The following RASEF variants were observed in gnomAD, a reference collection of about 807,000 sequenced individuals.
RASEF encodes ras and EF-hand domain-containing protein.
RASEF carries 68 observed loss-of-function variants against 90.1 expected under a neutral mutation model. The observed-to-expected ratio is 0.75, with a 90% CI of 0.62 to 0.92. RASEF has a LOEUF of 0.92. Ranked by LOEUF, RASEF falls within the 40% of genes least tolerant of loss-of-function variation. RASEF has a pLI of 0.00. For synonymous variants in RASEF, 331 were observed against 345.2 expected (o/e 0.96, Z 0.46); for missense variants, 949 against 937.2 (o/e 1.01, Z -0.16).
the RASEF span, among the ~76,000 whole-genome samples, chr9:83,180,271 G>A: frequency 1.3e-5 from 2 of 152,050 alleles, no homozygotes; most frequent in Non-Finnish European, 2.9e-5. Flanking sequence ...ATATTACCCT[G>A]CATCTTGGAA....
chr9:83,127,554 G>A, the RASEF span, among the ~76,000 whole-genome samples: 2 of 152,142 alleles, frequency 1.3e-5, no homozygotes, highest in South Asian at 2.1e-4. Flanking sequence ...TTCCAGTAAT[G>A]CAAATGAAAG....
chr9:83,006,709 A>C (rs1829140358), intron 7 of RASEF, among the ~76,000 whole-genome samples: 1 of 152,128 alleles, frequency 6.6e-6, no homozygotes, highest in African/African-American at 2.4e-5. Flanking sequence ...AAAAAACCTA[A>C]GAAAAATATA....
At chr9:83,212,682 T>A in the RASEF span, among the ~76,000 whole-genome samples, 3 of 152,308 alleles carry the variant, frequency 2.0e-5, no homozygotes, top group East Asian at 1.9e-4. Flanking sequence ...GCCTCCCAGC[T>A]CCTCTGCAGG....
the RASEF span, among the ~76,000 whole-genome samples, chr9:83,214,544 G>C: frequency 6.6e-6 from 1 of 152,010 alleles, no homozygotes; most frequent in Admixed American, 6.5e-5. Flanking sequence ...ATATGGTTTG[G>C]CTGGGTCCCC....
At chr9:83,074,989 A>C in the RASEF span, among the ~76,000 whole-genome samples, 2 of 152,224 alleles carry the variant, frequency 1.3e-5, no homozygotes, top group African/African-American at 4.8e-5. Context: ...ACTTACTTAA[A>C]ATTTTAAAAA....
At chr9:83,167,096 T>TA in the RASEF span, among the ~76,000 whole-genome samples, 1 of 150,118 alleles carries the variant, frequency 6.7e-6, no homozygotes, top group Non-Finnish European at 1.5e-5. Flanking sequence ...AAAGTAGCAC[T>TA]TTTTTTTTCA....
At chr9:83,211,054 A>G in the RASEF span, among the ~76,000 whole-genome samples, 1 of 152,240 alleles carries the variant, frequency 6.6e-6, no homozygotes, top group African/African-American at 2.4e-5. Context: ...TGACCATCTT[A>G]TCCTCATACT....
At chr9:83,009,154 AT>A (rs1380172129) in intron 6 of RASEF, among the ~76,000 whole-genome samples, 1 of 151,734 alleles carries the variant, frequency 6.6e-6, no homozygotes, top group Admixed American at 6.6e-5. Flanking sequence ...ATATCTATGC[AT>A]TTTATATTTA....
the RASEF span, among the ~76,000 whole-genome samples, chr9:83,110,603 A>G: frequency 1.3e-5 from 2 of 152,152 alleles, no homozygotes; most frequent in African/African-American, 4.8e-5. Context: ...GTGTGCACAA[A>G]GAGGAGAGTC....
chr9:83,177,390 A>G, the RASEF span, among the ~76,000 whole-genome samples: 1 of 152,188 alleles, frequency 6.6e-6, no homozygotes, highest in East Asian at 1.9e-4. Context: ...TTGCTATGCT[A>G]GCAACAAATT....
At chr9:83,011,755 C>G (rs1019675068) in intron 5 of RASEF, among the ~76,000 whole-genome samples, 1 of 151,732 alleles carries the variant, frequency 6.6e-6, no homozygotes, top group African/African-American at 2.4e-5. Flanking sequence ...AATAACTCTA[C>G]AAGAATGTCA....
rs538351517 is a variant in RASEF at position 83,003,478 on chromosome 9, A to C, written c.1202+1020T>G. On this transcript the variant is annotated intron_variant, in intron 9 of 16. Transcript: ENST00000376447. Reference sequence around the variant, plus strand: ...ATACCTTTCCCCCCAATTTGCTTAGAATCAGTTTTAAATATTAGTCAAAAA... The same window carrying C: ...ATACCTTTCCCCCCAATTTGCTTAGCATCAGTTTTAAATATTAGTCAAAAA... Among the ~76,000 whole-genome samples the C allele has an allele frequency of 1.4e-4, 22 of 152,324 alleles. No homozygotes were observed. In the South Asian group the frequency reaches 4.6e-3, roughly 32 times the overall value.
intron 1 of RASEF, among the ~76,000 whole-genome samples, chr9:83,041,895 C>T (rs1829850389): frequency 6.6e-6 from 1 of 152,154 alleles, no homozygotes; most frequent in Non-Finnish European, 1.5e-5. Flanking sequence ...AGCAAACAGC[C>T]TTCAGATCTG....
At chr9:83,079,894 G>A in the RASEF span, among the ~76,000 whole-genome samples, 12 of 151,682 alleles carry the variant, frequency 7.9e-5, no homozygotes, top group East Asian at 1.4e-3. Flanking sequence ...ACAGCCTTGC[G>A]ATATGATGAT....
intron 1 of RASEF, among the ~76,000 whole-genome samples, chr9:83,053,779 T>G (rs1208608803): frequency 7.0e-6 from 1 of 143,266 alleles, no homozygotes; most frequent in Non-Finnish European, 1.5e-5. Flanking sequence ...GTCTATAAAG[T>G]ATTTTATTTC....
chr9:83,180,384 G>A, the RASEF span, among the ~76,000 whole-genome samples: 3 of 152,028 alleles, frequency 2.0e-5, no homozygotes, highest in African/African-American at 7.2e-5. Context: ...ATTCAACCAG[G>A]TCTCTAGGTT....
chr9:83,104,810 A>G, the RASEF span, among the ~76,000 whole-genome samples: 2 of 152,204 alleles, frequency 1.3e-5, no homozygotes, highest in Admixed American at 1.3e-4. Context: ...TTCTCTAAAA[A>G]CATTTAACTG....
the RASEF span, among the ~76,000 whole-genome samples, chr9:83,219,103 G>T: frequency 6.6e-6 from 1 of 152,116 alleles, no homozygotes; most frequent in Non-Finnish European, 1.5e-5. Context: ...AATAATGGGC[G>T]CAAGAAGTAC....
intron 1 of RASEF, 152 bp downstream of exon 1, chr9:83,062,285 T>C (rs991914373): frequency 1.4e-6 from 1 of 739,362 alleles, no homozygotes; most frequent in Non-Finnish European, 2.2e-6. Flanking sequence ...TAGCGGATCT[T>C]GGAAAAGTCA....
Sources: gnomAD v4.1 joint callset for allele counts (sites outside exome capture counted in the v4.1 genomes callset) on GRCh38, gnomAD v4.1.1 for gene constraint, MANE v1.5 for transcripts, NCBI Gene and HGNC (gene_info 2026-07-23, HGNC 2026-07-21) for gene names.